The following PXT1 variants were observed in gnomAD, a reference collection of about 807,000 sequenced individuals.
PXT1 encodes the protein peroxisomal testis-specific protein 1.
Under a neutral mutation model 11.0 loss-of-function variants are expected in PXT1, and 11 were observed. The observed-to-expected ratio is 1.00, with a 90% CI of 0.63 to 1.66. PXT1 has a LOEUF of 1.66. Ranked by LOEUF, PXT1 falls within the 40% of genes most tolerant of loss-of-function variation. The pLI is 0.00. For synonymous variants in PXT1, 43 were observed against 51.4 expected, an observed-to-expected ratio of 0.84 and a Z score of 0.70; for missense variants, 141 against 155.5, an observed-to-expected ratio of 0.91 and a Z score of 0.49.
chr6:36,399,446 C>A (rs1436945275), intron 4 of PXT1, among the ~76,000 whole-genome samples: 1 of 152,222 alleles, frequency 6.6e-6, no homozygotes, highest in African/African-American at 2.4e-5. Flanking sequence ...CGCACCTGGC[C>A]CCCTCTTGCT....
chr6:36,418,375 T>A (rs1473286335), intron 3 of PXT1, among the ~76,000 whole-genome samples: 1 of 151,806 alleles, frequency 6.6e-6, no homozygotes, highest in Non-Finnish European at 1.5e-5. Context: ...AATGGAATGG[T>A]GGGATGGGGT....
At chr6:36,405,291 T>C (rs1243834495) in intron 3 of PXT1, among the ~76,000 whole-genome samples, 4 of 152,126 alleles carry the variant, frequency 2.6e-5, no homozygotes, top group Non-Finnish European at 5.9e-5. Context: ...GTTTAAGCCA[T>C]GTTATTACAA....
chr6:36,407,658 C>T (rs1051867623), intron 3 of PXT1, among the ~76,000 whole-genome samples: 11 of 151,538 alleles, frequency 7.3e-5, no homozygotes, highest in South Asian at 2.1e-4. Context: ...CTCCTGCCTC[C>T]GCGTCCAAAG....
chr6:36,425,971 C>A lies in PXT1; in HGVS notation c.112G>T (p.Ala38Ser). The change falls in exon 3 of 5, where the codon GCA becomes TCA. Residue 38 changes from alanine (A) to serine (S), a missense_variant. By Grantham distance (99) the Ala-to-Ser change is moderately conservative. Coordinates refer to ENST00000454782, the MANE Select transcript of PXT1 (RefSeq NM_152990.4). Reference protein sequence around the residue: ...SLWLKYSFQKAYMTQLVSSQP... With the variant: ...SLWLKYSFQKSYMTQLVSSQP... ...GAGCTGACAAGTTGGGTCATGTATG[C>A]CTTCTGAAAACTGTATTTTAACCAC... 2.0e-6 allele frequency: 3 copies of A among 1,535,354 alleles called. No homozygotes were observed. The highest frequency in any genetic ancestry group is 2.6e-6 in the Non-Finnish European group (3 of 1,146,232).
At position 36,400,548 on chromosome 6, in the gene PXT1, A is replaced by T; in HGVS notation, c.206T>A (p.Ile69Asn). The T allele has an allele frequency of 6.2e-7, 1 of 1,613,878 alleles. No individual in the cohort carries two copies. The highest frequency in any genetic ancestry group is 8.5e-7 in the Non-Finnish European group (1 of 1,179,866). ...TTCCTCCTGGTGATGCTTCTGAACA[A>T]TGCTATGCTCCTTGGGCTGAGAAAG... Reference protein sequence around the residue: ...NLLSQPKEHSIVQKHHQEEII... With the variant: ...NLLSQPKEHSNVQKHHQEEII... Residue 69 changes from isoleucine (I) to asparagine (N), a missense_variant, in exon 4 of 5, where the codon ATT becomes AAT. Transcript: ENST00000454782.
At chr6:36,417,304 G>A (rs9380569) in intron 3 of PXT1, among the ~76,000 whole-genome samples, 71,030 of 151,660 alleles carry the variant, frequency 0.47, 17,123 homozygotes, top group Middle Eastern at 0.58. Context: ...CCGAGATTGC[G>A]CCACTACAAT....
intron 3 of PXT1, among the ~76,000 whole-genome samples, chr6:36,417,584 G>A (rs1289080774): frequency 2.4e-5 from 2 of 83,700 alleles, no homozygotes; most frequent in African/African-American, 5.3e-5. Context: ...GTGAGACTTC[G>A]TCTCTACAAA....
intron 3 of PXT1, among the ~76,000 whole-genome samples, chr6:36,414,824 G>A (rs1774426311): frequency 1.3e-5 from 2 of 152,176 alleles, no homozygotes; most frequent in Admixed American, 1.3e-4. Context: ...CCTCACCAGA[G>A]CTCAAGGCTT....
chr6:36,396,449 G>T (rs1290583704), intron 4 of PXT1, among the ~76,000 whole-genome samples: 1 of 152,228 alleles, frequency 6.6e-6, no homozygotes, highest in Non-Finnish European at 1.5e-5. Flanking sequence ...TGCTGCCACT[G>T]CCTGGCCTCT....
At chr6:36,436,427 G>A (rs1423969067) in intron 2 of PXT1, among the ~76,000 whole-genome samples, 1 of 152,190 alleles carries the variant, frequency 6.6e-6, no homozygotes, top group Non-Finnish European at 1.5e-5. Context: ...AACTAGAATT[G>A]ATTGATTAGA....
intron 4 of PXT1, among the ~76,000 whole-genome samples, chr6:36,399,917 G>A (rs1333857737): frequency 6.6e-6 from 1 of 152,148 alleles, no homozygotes; most frequent in Non-Finnish European, 1.5e-5. Flanking sequence ...CACAGTCCAA[G>A]GCATAGGTTC....
chr6:36,400,617 A>G, intron 3 of PXT1, 33 bp from the exon 4 acceptor site: 2 of 1,590,916 alleles, frequency 1.3e-6, no homozygotes, highest in Non-Finnish European at 8.6e-7. Flanking sequence ...AAAAGAGATA[A>G]TCCCACTTAA....
intron 3 of PXT1, among the ~76,000 whole-genome samples, chr6:36,420,884 C>A (rs1001676908): frequency 6.6e-5 from 10 of 151,984 alleles, no homozygotes; most frequent in Admixed American, 1.3e-4. Context: ...GAAACCCCAT[C>A]CCTACTAAAA....
chr6:36,424,361 G>A (rs1290915808), intron 3 of PXT1, among the ~76,000 whole-genome samples: 1 of 152,244 alleles, frequency 6.6e-6, no homozygotes, highest in African/African-American at 2.4e-5. Context: ...GAAGATTCAG[G>A]CGGAGCGCGG....
intron 2 of PXT1, among the ~76,000 whole-genome samples, 152 bp downstream of exon 2, chr6:36,438,615 G>A (rs887553223): frequency 1.3e-5 from 2 of 151,992 alleles, no homozygotes; most frequent in Non-Finnish European, 2.9e-5. Flanking sequence ...GTAGAGATGG[G>A]GTTTCACCGT....
intron 2 of PXT1, 29 bp from the exon 3 acceptor site, chr6:36,426,120 T>G: frequency 1.5e-6 from 2 of 1,320,744 alleles, no homozygotes; most frequent in Non-Finnish European, 2.0e-6. Context: ...TCAGAGGCTT[T>G]CCCCCATTTC....
chr6:36,390,809 G>A lies in PXT1; in HGVS notation c.*961C>T, dbSNP rs1011688026. 6.6e-6 allele frequency: 1 copy of A among 152,082 alleles called. No homozygotes were observed. The highest frequency in any genetic ancestry group is 2.4e-5 in the African/African-American group (1 of 41,404). The allele number at this position is 152,082 out of a possible 1,614,324, so 9.4% of individuals were successfully genotyped here. ...AGTGAAATACATTCCACAGGCAAAG[G>A]GCCCACCAACCAATAATAGCAAAAC... On this transcript the variant is annotated 3_prime_UTR_variant, in exon 5 of 5. Coordinates refer to ENST00000454782, the MANE Select transcript of PXT1 (RefSeq NM_152990.4).
At chr6:36,430,114 G>T (rs1188436462) in intron 2 of PXT1, among the ~76,000 whole-genome samples, 3 of 151,954 alleles carry the variant, frequency 2.0e-5, no homozygotes, top group Non-Finnish European at 4.4e-5. Context: ...GGCTGAGGCA[G>T]GAAAATTGCC....
chr6:36,403,519 G>C (rs562993282), intron 3 of PXT1, among the ~76,000 whole-genome samples: 1 of 152,162 alleles, frequency 6.6e-6, no homozygotes, highest in Admixed American at 6.6e-5. Flanking sequence ...AGAGAGGGCA[G>C]GTGTGGAAGG....
Sources: gnomAD v4.1 joint callset for allele counts (sites outside exome capture counted in the v4.1 genomes callset) on GRCh38, gnomAD v4.1.1 for gene constraint, MANE v1.5 for transcripts, NCBI Gene and HGNC (gene_info 2026-07-23, HGNC 2026-07-21) for gene names.